CGN: variants seen among roughly 807,000 people sequenced by gnomAD.
The protein encoded by CGN is cingulin.
CGN carries 121 observed loss-of-function variants against 157.1 expected under a neutral mutation model. The observed-to-expected ratio is 0.77, with a 90% confidence interval of 0.66 to 0.90. CGN has a LOEUF of 0.90. CGN is among the 40% of genes least tolerant of loss of function. The probability of loss-of-function intolerance (pLI) is 0.00; values close to 1 mark genes in which losing one functional copy is unlikely to be tolerated. For missense variants in CGN, 1,424 were observed against 1,520.9 expected (o/e 0.94, Z 1.06); for synonymous variants, 535 against 607.5 (o/e 0.88, Z 1.76).
rs1297156592 is a variant in CGN, at chr1:151,537,860, G to A, written c.*514G>A. 2.6e-5 allele frequency: 4 copies of A among 153,122 alleles called. No individual in the cohort carries two copies. Among genetic ancestry groups the A allele is most frequent in the African/African-American group, 9.7e-5 (4 of 41,428 alleles). 9.5% of individuals were successfully genotyped at this position (153,122 alleles called of 1,614,324 possible). On this transcript the variant is annotated 3_prime_UTR_variant, in exon 21 of 21. Coordinates refer to ENST00000271636, the MANE Select transcript of CGN (RefSeq NM_020770.3). ...CTTTGCACAAGTATGGGGCCCATGT[G>A]GTAGTCCCCATACCCCTCCAGTTCC... is the stretch of plus-strand genomic sequence containing the variant.
At position 151,523,540 on chromosome 1, in the gene CGN, A is replaced by G; in HGVS notation, c.1247A>G (p.Glu416Gly). Residue 416 changes from glutamate (E) to glycine (G), a missense_variant, in exon 6 of 21, where the codon GAG becomes GGG. Transcript: ENST00000271636. Reference protein sequence around the residue: ...LQELLERRKGEAQQSNKELQN... With the variant: ...LQELLERRKGGAQQSNKELQN... ...GAGCTGCTGGAGAGGAGGAAGGGGG[A>G]GGCCCAGCAGAGCAACAAGGAGTGA... The G allele has an allele frequency of 6.2e-7, 1 of 1,609,812 alleles. No individual in the cohort carries two copies. Among genetic ancestry groups the G allele is most frequent in the South Asian group, 1.1e-5 (1 of 90,470 alleles).
At chr1:151,512,653 C>T (rs1329150079) in intron 1 of CGN, among the ~76,000 whole-genome samples, 34 of 152,190 alleles carry the variant, frequency 2.2e-4, no homozygotes, top group Admixed American at 2.1e-3. Context: ...TAGAGTCAAC[C>T]TTAGCTTGGC....
At chr1:151,514,050 C>G (rs1664356766) in intron 1 of CGN, among the ~76,000 whole-genome samples, 8 of 152,224 alleles carry the variant, frequency 5.3e-5, no homozygotes, top group Admixed American at 4.6e-4. Context: ...TGGTCCCGCC[C>G]CACTGTCCTC....
At chr1:151,534,996 C>T (rs755901681) in intron 15 of CGN, 46 bp from the exon 16 acceptor site, 1 of 1,395,020 alleles carries the variant, frequency 7.2e-7, no homozygotes, top group Non-Finnish European at 1.0e-6. Flanking sequence ...GTTTGGCATT[C>T]TGGTGTCCAG....
chr1:151,511,743 A>C lies in CGN; in HGVS notation c.-15+228A>C, dbSNP rs10888419. Among the ~76,000 whole-genome samples, 101,549 of 152,102 alleles carry C rather than the reference A, an allele frequency of 0.67. 38,299 individuals are homozygous for C. The highest frequency in any genetic ancestry group is 0.87 in the Non-Finnish European group (59,256 of 67,978). On this transcript the variant is annotated intron_variant, in intron 1 of 20. Transcript: ENST00000271636. The surrounding 1 kb of genome is among the most constrained non-coding windows in gnomAD (Gnocchi z 4.8). ...GCTAGGAAGGTGCCAGGCGAGGGGC[A>C]CCTGGGGCGAAGGCTGTTCCCAGCG... is the stretch of plus-strand genomic sequence containing the variant.
intron 15 of CGN, 176 bp from the exon 16 acceptor site, chr1:151,534,866 G>GGTCA: frequency 1.7e-6 from 1 of 599,372 alleles, no homozygotes; most frequent in South Asian, 2.0e-5. Flanking sequence ...TGCCACATCT[G>GGTCA]GTCAGTAGAG....
chr1:151,515,620 T>C (rs945234639), intron 1 of CGN: 3 of 152,232 alleles, frequency 2.0e-5, no homozygotes, highest in Non-Finnish European at 2.9e-5. Context: ...ACTACAGGTG[T>C]GTACCACCAT....
chr1:151,518,429 G>A (rs1362567049), intron 1 of CGN, 77 bp from the exon 2 acceptor site: 2 of 1,267,414 alleles, frequency 1.6e-6, no homozygotes, highest in Non-Finnish European at 2.2e-6. Flanking sequence ...GAACTGACAG[G>A]GAAGTCAGCC....
rs748605443 is a variant in CGN, at chr1:151,530,477, C to T, written c.2314-12C>T. The stretch of plus-strand genomic sequence containing the variant: ...CCTTTTCTCAGTCCAACCCTGCTTC[C>T]CTACCTCCCAGGCAGAGAAACAGCA... On this transcript the variant is annotated splice_polypyrimidine_tract_variant and intron_variant, in intron 12 of 20. Transcript: ENST00000271636. 9 of 1,553,328 alleles carry T rather than the reference C, an allele frequency of 5.8e-6. No homozygotes were observed. Among genetic ancestry groups the T allele is most frequent in the African/African-American group, 4.1e-5 (3 of 73,212 alleles).
chr1:151,534,821 G>T (rs1190344983), intron 15 of CGN: 1 of 514,784 alleles, frequency 1.9e-6, no homozygotes, highest in East Asian at 3.2e-5. Flanking sequence ...CTGTCAAAGG[G>T]CCGTCACCAG....
intron 10 of CGN, chr1:151,527,950 A>ATAT (rs1162526104): frequency 1.5e-4 from 12 of 81,526 alleles, no homozygotes; most frequent in African/African-American, 1.5e-4. Flanking sequence ...ATATATATAT[A>ATAT]TTTTTTTTTT....
At chr1:151,531,377 A>G (rs747550968) in intron 13 of CGN, among the ~76,000 whole-genome samples, 1 of 152,348 alleles carries the variant, frequency 6.6e-6, no homozygotes, top group East Asian at 1.9e-4. Flanking sequence ...TGGGCAACAT[A>G]ATAAGACTCT....
upstream of CGN, chr1:151,510,958 T>C (rs916954189): frequency 6.6e-6 from 1 of 152,244 alleles, no homozygotes; most frequent in African/African-American, 2.4e-5. Context: ...ACGGAGATAT[T>C]TTCTGCAGAA....
At chr1:151,526,499 G>C (rs1664685307) in intron 9 of CGN, among the ~76,000 whole-genome samples, 1 of 141,254 alleles carries the variant, frequency 7.1e-6, no homozygotes, top group Non-Finnish European at 1.5e-5. Context: ...TTTGAGACAG[G>C]GTCTTGCTCT....
rs1557988413 is a variant in CGN at position 151,523,580 on chromosome 1, G to GCACCT, written c.1268+21_1268+25dup. 2 of 1,584,404 alleles carry GCACCT rather than the reference G, an allele frequency of 1.3e-6. No individual in the cohort carries two copies. Among genetic ancestry groups the GCACCT allele is most frequent in the Non-Finnish European group, 1.7e-6 (2 of 1,166,382 alleles). ...ACAAGGAGTGAGTGCAGCTGGTGGC[G>GCACCT]CACCTCGGGCTGCTTGGGGGCCTAG... On this transcript the variant is annotated intron_variant, in intron 6 of 20. Transcript: ENST00000271636.
intron 10 of CGN, among the ~76,000 whole-genome samples, chr1:151,528,161 G>GTGTTTCACCGTGAAACAT (rs1203210638): frequency 2.0e-5 from 3 of 150,814 alleles, no homozygotes; most frequent in Non-Finnish European, 4.4e-5. Context: ...CACGTACTCA[G>GTGTTTCACCGTGAAACAT]TGTTTCACCG....
At position 151,520,281 on chromosome 1, in the gene CGN, C is replaced by A. The variant is rs748351952; in HGVS notation, c.974+15C>A. On this transcript the variant is annotated intron_variant, in intron 3 of 20. Coordinates refer to ENST00000271636, the MANE Select transcript of CGN (RefSeq NM_020770.3). ...CTGAGGGAGGGGTGAGTGGGGGCCC[C>A]CCCAACAACAGAGGCATACCCCTCC... is the stretch of plus-strand genomic sequence containing the variant. The A allele has an allele frequency of 1.2e-6, 2 of 1,602,088 alleles. No individual in the cohort carries two copies. Among genetic ancestry groups the A allele is most frequent in the South Asian group, 2.2e-5 (2 of 90,770 alleles).
chr1:151,535,894 G>A lies in CGN; in HGVS notation c.3193G>A (p.Glu1065Lys), dbSNP rs769121387. 2 of 1,610,814 alleles carry A rather than the reference G, an allele frequency of 1.2e-6. No homozygotes were observed. Among genetic ancestry groups the A allele is most frequent in the Non-Finnish European group, 8.5e-7 (1 of 1,177,702 alleles). The change falls in exon 18 of 21, where the codon GAG becomes AAG. Residue 1065 changes from glutamate to lysine, a missense_variant. Physicochemically the swap from Glu to Lys is moderately conservative, Grantham distance 56 (BLOSUM62 1). Coordinates refer to ENST00000271636, the MANE Select transcript of CGN (RefSeq NM_020770.3). ...GTTGCAGGAGCGGCTACAGGCTGAAGAGAGGTGACATAAGCCTATCCTTCC... is the reference window on the plus strand; with the variant it reads ...GTTGCAGGAGCGGCTACAGGCTGAAAAGAGGTGACATAAGCCTATCCTTCC... ...QLLQERLQAE[E>K]REKTVLQSTN... is the part of the protein sequence containing the mutation.
intron 13 of CGN, 60 bp from the exon 14 acceptor site, chr1:151,532,342 T>C: frequency 7.6e-7 from 1 of 1,308,576 alleles, no homozygotes; most frequent in Non-Finnish European, 1.0e-6. Context: ...GTCTTGGGAG[T>C]CTGGGCCTGG....
Sources: allele counts gnomAD v4.1 joint callset (sites outside exome capture counted in the v4.1 genomes callset), GRCh38; gene constraint gnomAD v4.1.1; non-coding constraint Gnocchi (gnomAD v3.1); transcripts MANE v1.5; gene names NCBI Gene and HGNC (gene_info 2026-07-23, HGNC 2026-07-21).